FBLN1: variants seen among roughly 807,000 people sequenced by gnomAD.
FBLN1 encodes fibulin-1.
Under a neutral mutation model 89.7 loss-of-function variants are expected in FBLN1, and 34 were observed. The observed-to-expected ratio is 0.38, with a 90% confidence interval of 0.29 to 0.50. The LOEUF is 0.50. FBLN1 is among the 20% of genes least tolerant of loss of function. The pLI, the probability that FBLN1 is intolerant of heterozygous loss-of-function variation, is 0.92. For synonymous variants in FBLN1, 393 were observed against 391.3 expected (o/e 1.00, Z -0.05); for missense variants, 777 against 988.1 (o/e 0.79, Z 2.86).
At chr22:45,582,090 C>T (rs1470481372) in intron 16 of FBLN1, among the ~76,000 whole-genome samples, 2 of 152,158 alleles carry the variant, frequency 1.3e-5, no homozygotes, top group Non-Finnish European at 2.9e-5. Flanking sequence ...AAGACTGAGG[C>T]CGGAAGAGCC....
rs1316099832 is a variant in FBLN1 at position 45,532,715 on chromosome 22, G to C, written c.545-348G>C. On this transcript the variant is annotated intron_variant, in intron 5 of 16. Transcript: ENST00000327858. The surrounding 1 kb of genome is among the most constrained non-coding windows in gnomAD (Gnocchi z 4.2). ...GGAGCAGGTACATGAGGCCTAGTTGGGGCCTGGCCTTCCACGTGGAGCCCA... is the reference window on the plus strand; with the variant it reads ...GGAGCAGGTACATGAGGCCTAGTTGCGGCCTGGCCTTCCACGTGGAGCCCA... Among the ~76,000 whole-genome samples the C allele has an allele frequency of 6.6e-6, 1 of 152,132 alleles. No individual in the cohort carries two copies. Among genetic ancestry groups the C allele is most frequent in the African/African-American group, 2.4e-5 (1 of 41,426 alleles).
In FBLN1 at chr22:45,577,139, G is replaced by T; in HGVS notation, c.1972+31G>T. ...TGGCTGGGAATATCAGCTCTATCCA[G>T]GCACCCCTCCCCCTCCACCCCGAAA... On this transcript the variant is annotated intron_variant, in intron 16 of 16. Coordinates refer to ENST00000327858, the MANE Select transcript of FBLN1 (RefSeq NM_006486.3). This position sits in a 1 kb window ranked among gnomAD's most constrained non-coding sequence, Gnocchi z 6.6. The T allele has an allele frequency of 6.2e-7, 1 of 1,612,732 alleles. No individual in the cohort carries two copies. Among genetic ancestry groups the T allele is most frequent in the South Asian group, 1.1e-5 (1 of 91,044 alleles).
At chr22:45,566,326 C>T (rs925359340) in intron 14 of FBLN1, among the ~76,000 whole-genome samples, 2 of 152,176 alleles carry the variant, frequency 1.3e-5, no homozygotes, top group Admixed American at 1.3e-4. Context: ...AACTCCCTGC[C>T]TCCTGAGGGG....
chr22:45,553,988 C>T (rs770092917), intron 14 of FBLN1, among the ~76,000 whole-genome samples: 1 of 152,138 alleles, frequency 6.6e-6, no homozygotes, highest in East Asian at 1.9e-4. Context: ...GGTGTGTGTG[C>T]GTGTGCGCGT....
chr22:45,560,118 CA>C (rs1198166849), intron 14 of FBLN1, among the ~76,000 whole-genome samples: 1 of 152,228 alleles, frequency 6.6e-6, no homozygotes, highest in Non-Finnish European at 1.5e-5. Flanking sequence ...CTACACGAGA[CA>C]GACTATTCTG....
chr22:45,564,385 G>T (rs1303112528), intron 14 of FBLN1, among the ~76,000 whole-genome samples: 2 of 152,234 alleles, frequency 1.3e-5, no homozygotes, highest in African/African-American at 4.8e-5. Flanking sequence ...TCCTCAAGAT[G>T]TCTGAAGGCC....
At chr22:45,503,929 C>T (rs1428584513) in intron 1 of FBLN1, among the ~76,000 whole-genome samples, 1 of 152,140 alleles carries the variant, frequency 6.6e-6, no homozygotes, top group Non-Finnish European at 1.5e-5. Context: ...GGGACTGCCA[C>T]GAGGTCCTCT....
At position 45,588,549 on chromosome 22, in the gene FBLN1, A is replaced by G. The variant is rs2089107720; in HGVS notation, c.1972+11441A>G. Among the ~76,000 whole-genome samples the G allele has an allele frequency of 6.6e-6, 1 of 152,052 alleles. No homozygotes were observed. The highest frequency in any genetic ancestry group is 2.4e-5 in the African/African-American group (1 of 41,396). On this transcript the variant is annotated intron_variant, in intron 16 of 16. Transcript: ENST00000327858. This position sits in a 1 kb window ranked among gnomAD's most constrained non-coding sequence, Gnocchi z 5.1. ...AGATGCACCCACTGGGGTCACCCCA[A>G]CCCAGCCCCCAGCAGTTGCCCATAA...
At chr22:45,592,412 T>C (rs937056016) in intron 16 of FBLN1, among the ~76,000 whole-genome samples, 6 of 152,160 alleles carry the variant, frequency 3.9e-5, no homozygotes, top group Admixed American at 3.9e-4. Flanking sequence ...CTGCAACCTC[T>C]GCCTCCCATG....
Position 45,530,775 on chromosome 22 carries a change from T to G in FBLN1, c.485-490T>G, listed in dbSNP as rs2088394926. On this transcript the variant is annotated intron_variant, in intron 4 of 16. Transcript: ENST00000327858. The surrounding 1 kb of genome is among the most constrained non-coding windows in gnomAD (Gnocchi z 5.4). ...GTCTTTCTGTTATAACTGATCTTTT[T>G]TTTTTGAAACGGAGTCTCGCTCTTG... is the stretch of plus-strand genomic sequence containing the variant. Among the ~76,000 whole-genome samples the G allele has an allele frequency of 6.6e-6, 1 of 152,142 alleles. No individual in the cohort carries two copies. Among genetic ancestry groups the G allele is most frequent in the African/African-American group, 2.4e-5 (1 of 41,434 alleles).
chr22:45,572,441 C>T lies in FBLN1; in HGVS notation c.1698-2070C>T, dbSNP rs2088959868. 6.6e-6 allele frequency among the ~76,000 whole-genome samples: 1 copy of T among 151,862 alleles called. No individual in the cohort carries two copies. Among genetic ancestry groups the T allele is most frequent in the South Asian group, 2.1e-4 (1 of 4,818 alleles). ...GGGTTCATACTGATTTTTTTTTCCC[C>T]AAAAATCCTTTGGAGAATGATAGCA... On this transcript the variant is annotated intron_variant, in intron 14 of 16. Coordinates refer to ENST00000327858, the MANE Select transcript of FBLN1 (RefSeq NM_006486.3). The surrounding 1 kb of genome is among the most constrained non-coding windows in gnomAD (Gnocchi z 5.8).
intron 16 of FBLN1, among the ~76,000 whole-genome samples, chr22:45,598,438 C>T (rs950159914): frequency 6.6e-6 from 1 of 152,202 alleles, no homozygotes; most frequent in African/African-American, 2.4e-5. Flanking sequence ...GGGACCTTGG[C>T]GGTTCATTCA....
intron 16 of FBLN1, among the ~76,000 whole-genome samples, chr22:45,593,086 C>G (rs1183164489): frequency 6.6e-6 from 1 of 152,006 alleles, no homozygotes; most frequent in Non-Finnish European, 1.5e-5. Flanking sequence ...CCTAGGAACT[C>G]GAGGCTGTAA....
At position 45,550,402 on chromosome 22, in the gene FBLN1, G is replaced by C. The variant is rs1441832673; in HGVS notation, c.1574-90G>C. Reference sequence around the variant, plus strand: ...GGCCTGATCGCCACCCCTAACCCTAGTTGATGGGAGGCCTGGGCTCCTCCG... The same window carrying C: ...GGCCTGATCGCCACCCCTAACCCTACTTGATGGGAGGCCTGGGCTCCTCCG... On this transcript the variant is annotated intron_variant, in intron 13 of 16. Transcript: ENST00000327858. The surrounding 1 kb of genome is among the most constrained non-coding windows in gnomAD (Gnocchi z 8.4). The C allele has an allele frequency of 1.9e-6, 3 of 1,598,950 alleles. No individual in the cohort carries two copies. In the Admixed American group the frequency reaches 5.0e-5, roughly 27 times the overall value.
rs1204349985 is a variant in FBLN1, at chr22:45,527,729, C to T, written c.322-118C>T. On this transcript the variant is annotated intron_variant, in intron 3 of 16. Coordinates refer to ENST00000327858, the MANE Select transcript of FBLN1 (RefSeq NM_006486.3). ...AGTGGTATCTAAGCCAGACTTGAGTCATCACTCTACAGGTTGTGTGGACAG... is the reference window on the plus strand; with the variant it reads ...AGTGGTATCTAAGCCAGACTTGAGTTATCACTCTACAGGTTGTGTGGACAG... 2.9e-6 allele frequency: 3 copies of T among 1,021,498 alleles called. No individual in the cohort carries two copies. The East Asian group carries it at 7.2e-5, about 24-fold the overall frequency. 63.3% of individuals were successfully genotyped at this position (1,021,498 alleles called of 1,614,324 possible).
At chr22:45,596,924 ATATAT>A (rs2089192461) in intron 16 of FBLN1, among the ~76,000 whole-genome samples, 1 of 149,078 alleles carries the variant, frequency 6.7e-6, no homozygotes, top group African/African-American at 2.4e-5. Context: ...TATATTTTTA[ATATAT>A]TGTTTTATAT....
chr22:45,528,015 T>C lies in FBLN1; in HGVS notation c.484+6T>C. 1.2e-6 allele frequency: 2 copies of C among 1,614,158 alleles called. No homozygotes were observed. The highest frequency in any genetic ancestry group is 1.7e-6 in the Non-Finnish European group (2 of 1,179,996). ...CGGGGGCCTCCAAGAAACGGGTAACTTTCCCCCTTCCTTCCCTAATGAGCA... is the reference window on the plus strand; with the variant it reads ...CGGGGGCCTCCAAGAAACGGGTAACCTTCCCCCTTCCTTCCCTAATGAGCA... On this transcript the variant is annotated splice_donor_region_variant and intron_variant, in intron 4 of 16. Coordinates refer to ENST00000327858, the MANE Select transcript of FBLN1 (RefSeq NM_006486.3).
intron 9 of FBLN1, 130 bp downstream of exon 9, chr22:45,541,502 C>G: frequency 8.5e-7 from 1 of 1,170,114 alleles, no homozygotes; most frequent in South Asian, 1.3e-5. Context: ...ATCCCACTGT[C>G]AGTTCCCAAG....
rs2088391873 is a variant in FBLN1 at position 45,530,579 on chromosome 22, T to G, written c.485-686T>G. Among the ~76,000 whole-genome samples the G allele has an allele frequency of 6.6e-6, 1 of 152,140 alleles. No individual in the cohort carries two copies. The highest frequency in any genetic ancestry group is 1.5e-5 in the Non-Finnish European group (1 of 68,038). ...TTTTCAAACACATAATAGCATTTGA[T>G]AGAATCAATCAGGAGACTCAAGTTT... On this transcript the variant is annotated intron_variant, in intron 4 of 16. Coordinates refer to ENST00000327858, the MANE Select transcript of FBLN1 (RefSeq NM_006486.3). This position sits in a 1 kb window ranked among gnomAD's most constrained non-coding sequence, Gnocchi z 5.4.
Sources: gnomAD v4.1 joint callset for allele counts (sites outside exome capture counted in the v4.1 genomes callset) on GRCh38, gnomAD v4.1.1 for gene constraint, Gnocchi (gnomAD v3.1) non-coding constraint, MANE v1.5 for transcripts, NCBI Gene and HGNC (gene_info 2026-07-23, HGNC 2026-07-21) for gene names.